The following IQGAP2 variants were observed in gnomAD, a reference collection of about 807,000 sequenced individuals.
IQGAP2 encodes ras GTPase-activating-like protein IQGAP2.
A neutral mutation model predicts 201.3 loss-of-function variants in IQGAP2; 173 were observed. The ratio of observed to expected loss-of-function variants is 0.86; its 90% CI spans 0.76 to 0.98. The LOEUF is 0.98. IQGAP2 is among the 50% of genes least tolerant of loss of function. The pLI is 0.00. For synonymous variants in IQGAP2, 675 were observed against 673.9 expected (o/e 1.00, Z -0.03); for missense variants, 1,687 against 1,864.8 (o/e 0.90, Z 1.76).
intron 1 of IQGAP2, among the ~76,000 whole-genome samples, chr5:76,447,905 C>G (rs764776103): frequency 6.6e-5 from 10 of 152,126 alleles, no homozygotes; most frequent in Non-Finnish European, 1.3e-4. Flanking sequence ...ATACTTTATG[C>G]TAATTGGACT....
At position 76,674,603 on chromosome 5, in the gene IQGAP2, G is replaced by C. The variant is rs1447258511; in HGVS notation, c.3421G>C (p.Val1141Leu). 1.2e-6 allele frequency: 2 copies of C among 1,614,158 alleles called. No homozygotes were observed. The highest frequency in any genetic ancestry group is 1.3e-5 in the African/African-American group (1 of 75,048). ...NSDQRRNLGSVAKVLQHAASN... is the reference protein window; with the variant it reads ...NSDQRRNLGSLAKVLQHAASN... ...TGACCAAAGGAGAAACTTAGGATCAGTGGCCAAGGTTCTTCAGCACGCAGC... is the reference window on the plus strand; with the variant it reads ...TGACCAAAGGAGAAACTTAGGATCACTGGCCAAGGTTCTTCAGCACGCAGC... The change falls in exon 27 of 36, where the codon GTG (valine) becomes CTG (leucine). Residue 1141 changes from valine (V) to leucine (L), a missense_variant. By Grantham distance (32) the Val-to-Leu change is conservative. Coordinates refer to ENST00000274364, the MANE Select transcript of IQGAP2 (RefSeq NM_006633.5).
At chr5:76,453,983 T>G (rs939588828) in intron 1 of IQGAP2, among the ~76,000 whole-genome samples, 1 of 152,196 alleles carries the variant, frequency 6.6e-6, no homozygotes, top group Non-Finnish European at 1.5e-5. Flanking sequence ...TCTTTCTTAC[T>G]GAGATCTGTA....
At chr5:76,409,719 A>AT (rs1320132224) in intron 1 of IQGAP2, among the ~76,000 whole-genome samples, 1 of 152,156 alleles carries the variant, frequency 6.6e-6, no homozygotes, top group African/African-American at 2.4e-5. Context: ...GCTTTATTAC[A>AT]TACACTGCCC....
chr5:76,652,936 C>T (rs900516302), intron 18 of IQGAP2, 103 bp downstream of exon 18: 26 of 755,654 alleles, frequency 3.4e-5, no homozygotes, highest in Non-Finnish European at 5.5e-5. Context: ...TACATGTGAG[C>T]CTTGAAGTCA....
In IQGAP2 at chr5:76,597,522, G is replaced by A; in HGVS notation, c.991G>A (p.Ala331Thr). ...NTLLALKKPE[A>T]QLPAVYPFAA... ...GCTGCTTGCACTGAAGAAACCAGAG[G>A]CCCAGCTGCCTGCTGTTTATCCCTT... The change falls in exon 10 of 36, where the codon GCC becomes ACC. Residue 331 changes from alanine to threonine, a missense_variant. Coordinates refer to ENST00000274364, the MANE Select transcript of IQGAP2 (RefSeq NM_006633.5). 1.2e-6 allele frequency: 2 copies of A among 1,613,846 alleles called. No individual in the cohort carries two copies. Among genetic ancestry groups the A allele is most frequent in the Non-Finnish European group, 1.7e-6 (2 of 1,179,956 alleles).
intron 1 of IQGAP2, among the ~76,000 whole-genome samples, chr5:76,460,027 G>A (rs73766923): frequency 0.029 from 4,466 of 152,182 alleles, 234 homozygotes; most frequent in African/African-American, 0.1. Flanking sequence ...TTTTCTGTAC[G>A]CGCAGAGTGC....
chr5:76,655,028 A>T, intron 20 of IQGAP2, 25 bp downstream of exon 20: 1 of 1,566,738 alleles, frequency 6.4e-7, no homozygotes, highest in Non-Finnish European at 8.8e-7. Context: ...TCTGAAACAA[A>T]GCAAGGATTT....
At chr5:76,705,316 C>A (rs547522217) in intron 35 of IQGAP2, among the ~76,000 whole-genome samples, 2 of 152,174 alleles carry the variant, frequency 1.3e-5, no homozygotes, top group African/African-American at 4.8e-5. Flanking sequence ...CCCAGTAGCA[C>A]CCTTGTGAAA....
chr5:76,465,651 A>G (rs13158578), intron 2 of IQGAP2, among the ~76,000 whole-genome samples: 59,030 of 152,066 alleles, frequency 0.39, 12,361 homozygotes, highest in Middle Eastern at 0.47. Flanking sequence ...AACAGAACAG[A>G]AGAAAACACT....
intron 1 of IQGAP2, among the ~76,000 whole-genome samples, chr5:76,448,898 G>A (rs1753565340): frequency 6.6e-6 from 1 of 152,156 alleles, no homozygotes; most frequent in South Asian, 2.1e-4. Context: ...GTATTATTAG[G>A]TGTTCCAAGT....
intron 3 of IQGAP2, among the ~76,000 whole-genome samples, chr5:76,563,392 G>T (rs1744518794): frequency 6.6e-6 from 1 of 152,194 alleles, no homozygotes; most frequent in East Asian, 1.9e-4. Context: ...ATTTACAGAT[G>T]AAGTGATAGA....
rs148490510 is a variant in IQGAP2 at position 76,501,467 on chromosome 5, G to T, written c.146+39798G>T. Among the ~76,000 whole-genome samples, 441 of 151,814 alleles carry T rather than the reference G, an allele frequency of 2.9e-3. 5 individuals are homozygous for T. Among genetic ancestry groups the T allele is most frequent in the African/African-American group, 0.01 (427 of 41,364 alleles). ...AAAGGAAAATAACTTTTTGAGAATC[G>T]GAACAGTATTGCATGCTCTGCTTTT... On this transcript the variant is annotated intron_variant, in intron 2 of 35. Coordinates refer to ENST00000274364, the MANE Select transcript of IQGAP2 (RefSeq NM_006633.5).
intron 2 of IQGAP2, among the ~76,000 whole-genome samples, chr5:76,536,761 CAAAAAAA>C (rs752757446): frequency 8.7e-6 from 1 of 114,998 alleles, no homozygotes; most frequent in Non-Finnish European, 1.9e-5. Context: ...ACTCCGTCTC[CAAAAAAA>C]AAAAAAAAAA....
rs375412628 is a variant in IQGAP2 at position 76,673,555 on chromosome 5, C to T, written c.3175C>T (p.Leu1059=). Residue 1059 remains leucine, a synonymous_variant, in exon 25 of 36, where the codon CTG becomes TTG. Coordinates refer to ENST00000274364, the MANE Select transcript of IQGAP2 (RefSeq NM_006633.5). ...CCTGAGAAGGGTCACCGACAAAGTC[C>T]TGAATTCTATCATTTCTTCCCTTGA... ...ENLRRVTDKV[L]NSIISSLDLL... The T allele has an allele frequency of 5.9e-5, 95 of 1,613,912 alleles. No homozygotes were observed. The highest frequency in any genetic ancestry group is 7.6e-5 in the Non-Finnish European group (90 of 1,179,934).
At chr5:76,527,011 T>C (rs957894362) in intron 2 of IQGAP2, among the ~76,000 whole-genome samples, 4 of 152,230 alleles carry the variant, frequency 2.6e-5, no homozygotes, top group African/African-American at 9.6e-5. Flanking sequence ...ACTGAGTGTT[T>C]GATCCATCAT....
intron 21 of IQGAP2, among the ~76,000 whole-genome samples, chr5:76,662,113 A>G (rs191508672): frequency 2.6e-5 from 4 of 152,296 alleles, no homozygotes; most frequent in African/African-American, 9.6e-5. Flanking sequence ...AAGCTTCCCA[A>G]AGCAAACCTC....
intron 8 of IQGAP2, among the ~76,000 whole-genome samples, chr5:76,591,434 A>C (rs1337959093): frequency 1.3e-5 from 2 of 152,116 alleles, no homozygotes; most frequent in Non-Finnish European, 2.9e-5. Flanking sequence ...GTAGTCCATT[A>C]TTGAAAAATT....
intron 21 of IQGAP2, among the ~76,000 whole-genome samples, chr5:76,659,328 C>A (rs1743045981): frequency 6.6e-6 from 1 of 152,140 alleles, no homozygotes; most frequent in Admixed American, 6.5e-5. Flanking sequence ...TAAAAGCACA[C>A]ATTTTATTGA....
intron 1 of IQGAP2, among the ~76,000 whole-genome samples, chr5:76,456,743 A>G (rs1243762535): frequency 6.6e-6 from 1 of 152,180 alleles, no homozygotes; most frequent in African/African-American, 2.4e-5. Context: ...TATACTTAGG[A>G]TTCCTTGTAG....
Sources: gnomAD v4.1 joint callset for allele counts (sites outside exome capture counted in the v4.1 genomes callset) on GRCh38, gnomAD v4.1.1 for gene constraint, MANE v1.5 for transcripts, NCBI Gene and HGNC (gene_info 2026-07-23, HGNC 2026-07-21) for gene names.